SLC35F3: variants seen among roughly 807,000 people sequenced by gnomAD.
SLC35F3 encodes putative thiamine transporter SLC35F3.
SLC35F3 carries 25 observed loss-of-function variants against 49.9 expected under a neutral mutation model. The ratio of observed to expected loss-of-function variants is 0.50; its 90% CI spans 0.37 to 0.70. The LOEUF (loss-of-function observed/expected upper bound fraction) is 0.70, where lower values mean the gene tolerates loss of function less well. SLC35F3 is among the 30% of genes least tolerant of loss of function. The probability of loss-of-function intolerance (pLI) is 0.00; values close to 1 mark genes in which losing one functional copy is unlikely to be tolerated. For synonymous variants in SLC35F3, 275 were observed against 265.4 expected (o/e 1.04, Z -0.35); for missense variants, 525 against 639.8 (o/e 0.82, Z 1.94).
chr1:234,318,608 G>T, intron 5 of SLC35F3, 143 bp from the exon 6 acceptor site: 2 of 692,504 alleles, frequency 2.9e-6, no homozygotes, highest in South Asian at 4.2e-5. Context: ...ATGAACACAG[G>T]CCAAACCCCA....
chr1:234,033,518 G>A (rs1664092389), intron 2 of SLC35F3, among the ~76,000 whole-genome samples: 1 of 152,078 alleles, frequency 6.6e-6, no homozygotes, highest in Admixed American at 6.6e-5. Flanking sequence ...GATCCATCTC[G>A]AGTTGGCTTT....
intron 2 of SLC35F3, among the ~76,000 whole-genome samples, chr1:234,019,869 A>G (rs995821336): frequency 2.6e-5 from 4 of 152,212 alleles, no homozygotes; most frequent in Non-Finnish European, 4.4e-5. Context: ...GTCCCTTGCT[A>G]TGTTGCCTAG....
At chr1:234,035,814 TTTCTC>T (rs1362615489) in intron 2 of SLC35F3, among the ~76,000 whole-genome samples, 1 of 152,230 alleles carries the variant, frequency 6.6e-6, no homozygotes, top group African/African-American at 2.4e-5. Context: ...GATGCAATAT[TTTCTC>T]TTATCTCTTT....
chr1:234,274,884 C>T (rs1199950772), intron 3 of SLC35F3, among the ~76,000 whole-genome samples: 1 of 152,118 alleles, frequency 6.6e-6, no homozygotes, highest in Non-Finnish European at 1.5e-5. Context: ...ACAAAAAATG[C>T]CATGCAGAAT....
At chr1:234,196,354 C>G (rs1666809826) in intron 2 of SLC35F3, among the ~76,000 whole-genome samples, 1 of 152,252 alleles carries the variant, frequency 6.6e-6, no homozygotes, top group South Asian at 2.1e-4. Flanking sequence ...GGCACACTGC[C>G]TGTGGGGTAG....
At chr1:234,154,801 C>T (rs1257069522) in intron 2 of SLC35F3, among the ~76,000 whole-genome samples, 1 of 152,174 alleles carries the variant, frequency 6.6e-6, no homozygotes. Flanking sequence ...TCCTTCAGGC[C>T]TACCCAAGAG....
At chr1:234,117,686 A>G (rs1197875078) in intron 2 of SLC35F3, among the ~76,000 whole-genome samples, 1 of 151,292 alleles carries the variant, frequency 6.6e-6, no homozygotes, top group Non-Finnish European at 1.5e-5. Flanking sequence ...GGAGATACAG[A>G]CCATCCTGGC....
intron 3 of SLC35F3, among the ~76,000 whole-genome samples, chr1:234,275,389 A>G (rs1169080417): frequency 6.6e-6 from 1 of 152,218 alleles, no homozygotes; most frequent in Non-Finnish European, 1.5e-5. Flanking sequence ...ATTTTGGATA[A>G]GGAATACTCA....
At chr1:234,052,672 T>G (rs1023201665) in intron 2 of SLC35F3, among the ~76,000 whole-genome samples, 4 of 152,222 alleles carry the variant, frequency 2.6e-5, no homozygotes, top group Non-Finnish European at 5.9e-5. Flanking sequence ...ATTTCTTGCC[T>G]TCTGCTAGCT....
At chr1:234,226,970 C>T (rs1667295915) in intron 2 of SLC35F3, among the ~76,000 whole-genome samples, 1 of 152,010 alleles carries the variant, frequency 6.6e-6, no homozygotes, top group Non-Finnish European at 1.5e-5. Flanking sequence ...TGCACACACA[C>T]ACACACACAC....
At position 234,112,928 on chromosome 1, in the gene SLC35F3, G is replaced by A. The variant is rs141202184; in HGVS notation, c.284-118489G>A. On this transcript the variant is annotated intron_variant, in intron 2 of 7. Transcript: ENST00000366618. ...CAGAAATAACTTTTACTTGAGGCTG[G>A]GCATGGTGGCATATGCCTGTAGTCC... Among the ~76,000 whole-genome samples, 613 of 151,260 alleles carry A rather than the reference G, an allele frequency of 4.1e-3. 7 individuals carry two copies. Among genetic ancestry groups the A allele is most frequent in the African/African-American group, 0.014 (575 of 41,250 alleles).
chr1:234,043,874 C>T (rs1401411589), intron 2 of SLC35F3, among the ~76,000 whole-genome samples: 1 of 152,064 alleles, frequency 6.6e-6, no homozygotes, highest in African/African-American at 2.4e-5. Context: ...ATTACTTTCG[C>T]TTTGTATGTT....
Position 234,126,659 on chromosome 1 carries a change from G to A in SLC35F3, c.284-104758G>A, listed in dbSNP as rs1011398869. Among the ~76,000 whole-genome samples the A allele has an allele frequency of 3.9e-5, 6 of 152,114 alleles. No homozygotes were observed. In the East Asian group the frequency reaches 7.7e-4, roughly 20 times the overall value. On this transcript the variant is annotated intron_variant, in intron 2 of 7. Coordinates refer to ENST00000366618, the MANE Select transcript of SLC35F3 (RefSeq NM_173508.4). ...TCCAACCGCTGGAAGCCACCAATGT[G>A]CTCTCCATTTCTATAATGTTTTCTT...
In SLC35F3 at chr1:234,311,195, G is replaced by A. The variant is rs1007896780; in HGVS notation, c.828+1875G>A. Among the ~76,000 whole-genome samples the A allele has an allele frequency of 3.9e-5, 6 of 152,322 alleles. No individual in the cohort carries two copies. The South Asian group carries it at 1.2e-3, about 32-fold the overall frequency. Reference sequence around the variant, plus strand: ...AGTCATCTAAGAGCTTCCTCCCACAGGTTGTGTTGGAACTCCCTCTTCTCT... The same window carrying A: ...AGTCATCTAAGAGCTTCCTCCCACAAGTTGTGTTGGAACTCCCTCTTCTCT... On this transcript the variant is annotated intron_variant, in intron 4 of 7. Coordinates refer to ENST00000366618, the MANE Select transcript of SLC35F3 (RefSeq NM_173508.4).
rs548186209 is a variant in SLC35F3 at position 234,061,271 on chromosome 1, A to T, written c.283+155513A>T. Among the ~76,000 whole-genome samples the T allele has an allele frequency of 3.9e-5, 6 of 152,054 alleles. No homozygotes were observed. In the South Asian group the frequency reaches 1.2e-3, roughly 32 times the overall value. ...GGATTCTCTGTTGACAGGTTTTTTT[A>T]AATATGTTATCACACTGCCCTTTGG... On this transcript the variant is annotated intron_variant, in intron 2 of 7. Transcript: ENST00000366618.
At chr1:233,959,398 C>A (rs1257679998) in intron 2 of SLC35F3, among the ~76,000 whole-genome samples, 2 of 152,192 alleles carry the variant, frequency 1.3e-5, no homozygotes, top group African/African-American at 4.8e-5. Context: ...TAATGGAAAT[C>A]TCTCCCCAAT....
At chr1:234,147,972 A>G (rs1666022418) in intron 2 of SLC35F3, among the ~76,000 whole-genome samples, 2 of 152,234 alleles carry the variant, frequency 1.3e-5, no homozygotes, top group Admixed American at 1.3e-4. Context: ...AGGGAGGGCC[A>G]CAGTGGGAGG....
chr1:234,121,095 G>A (rs1232312396), intron 2 of SLC35F3, among the ~76,000 whole-genome samples: 5 of 148,188 alleles, frequency 3.4e-5, no homozygotes, highest in African/African-American at 1.2e-4. Flanking sequence ...TCTGAGTTCT[G>A]GTCATTTTAT....
chr1:233,952,582 G>C (rs1419629952), intron 2 of SLC35F3, among the ~76,000 whole-genome samples: 2 of 152,144 alleles, frequency 1.3e-5, no homozygotes, highest in Admixed American at 6.5e-5. Context: ...TGTTTTGTCT[G>C]TGAGTCCTGT....
Sources: gnomAD v4.1 joint callset for allele counts (sites outside exome capture counted in the v4.1 genomes callset) on GRCh38, gnomAD v4.1.1 for gene constraint, MANE v1.5 for transcripts, NCBI Gene and HGNC (gene_info 2026-07-23, HGNC 2026-07-21) for gene names.